ST18: variants seen among roughly 807,000 people sequenced by gnomAD.
ST18 encodes the protein suppression of tumorigenicity 18 protein.
In ST18, 50 loss-of-function variants were observed where a neutral mutation model predicts 110.0. The ratio of observed to expected loss-of-function variants is 0.45; its 90% CI spans 0.36 to 0.58. The LOEUF (loss-of-function observed/expected upper bound fraction) is 0.58, where lower values mean the gene tolerates loss of function less well. ST18 is among the 20% of genes least tolerant of loss of function. The pLI, the probability that ST18 is intolerant of heterozygous loss-of-function variation, is 0.00. For synonymous variants in ST18, 461 were observed against 452.4 expected (o/e 1.02, Z -0.24); for missense variants, 1,306 against 1,280.1 (o/e 1.02, Z -0.31).
At chr8:52,132,919 T>C in intron 21 of ST18, 138 bp downstream of exon 21, 3 of 939,104 alleles carry the variant, frequency 3.2e-6, no homozygotes, top group Non-Finnish European at 4.8e-6. Context: ...AACCACCAAA[T>C]AGTTTGACTC....
intron 2 of ST18, among the ~76,000 whole-genome samples, chr8:52,290,898 G>A (rs1262945023): frequency 3.3e-5 from 5 of 152,068 alleles, no homozygotes; most frequent in Admixed American, 6.5e-5. Flanking sequence ...TTAGGGCTTC[G>A]TACCAATCGT....
chr8:52,172,031 T>A lies in ST18; in HGVS notation c.830A>T (p.Asp277Val). 1 of 1,614,222 alleles carries A rather than the reference T, an allele frequency of 6.2e-7. No homozygotes were observed. Among genetic ancestry groups the A allele is most frequent in the Non-Finnish European group, 8.5e-7 (1 of 1,180,034 alleles). ...LDGNAQPSFP[D>V]VEEEDSESLA... is the part of the protein sequence containing the mutation. ...GCTCTCGCTATCTTCCTCCTCAACG[T>A]CAGGGAATGAGGGCTGGGCATTGCC... The change falls in exon 10 of 26, where the codon GAC (aspartate) becomes GTC (valine). Residue 277 changes from aspartate (D) to valine (V), a missense_variant. By Grantham distance (152) the Asp-to-Val change is radical. Transcript: ENST00000689386.
intron 8 of ST18, among the ~76,000 whole-genome samples, chr8:52,191,275 G>A (rs2074374389): frequency 6.6e-6 from 1 of 152,238 alleles, no homozygotes; most frequent in African/African-American, 2.4e-5. Context: ...GCAAGGCCAT[G>A]TCATGTGCAG....
At chr8:52,335,632 T>G (rs1470448106) in intron 2 of ST18, among the ~76,000 whole-genome samples, 1 of 152,222 alleles carries the variant, frequency 6.6e-6, no homozygotes, top group African/African-American at 2.4e-5. Flanking sequence ...TAAGTACTTA[T>G]GTTTGAAGTT....
intron 8 of ST18, chr8:52,206,893 G>A (rs1312472121): frequency 1.3e-5 from 2 of 152,112 alleles, no homozygotes; most frequent in Non-Finnish European, 2.9e-5. Flanking sequence ...CTAACTTCAT[G>A]ATTAAAATGA....
chr8:52,398,352 G>A (rs1590706724), intron 2 of ST18, among the ~76,000 whole-genome samples: 1 of 152,180 alleles, frequency 6.6e-6, no homozygotes, highest in South Asian at 2.1e-4. Context: ...ATAAAATCAT[G>A]TCATCTGCAA....
chr8:52,404,136 A>G (rs1161802679), intron 2 of ST18: 1 of 152,246 alleles, frequency 6.6e-6, no homozygotes, highest in Admixed American at 6.5e-5. Flanking sequence ...ACAATCTCAT[A>G]AAGGATAGTA....
chr8:52,116,524 G>A (rs2130450493), intron 24 of ST18, 106 bp from the exon 25 acceptor site: 1 of 1,130,584 alleles, frequency 8.8e-7, no homozygotes, highest in Non-Finnish European at 1.3e-6. Flanking sequence ...ACTAAGAGAT[G>A]CAGAGATGCA....
intron 2 of ST18, among the ~76,000 whole-genome samples, chr8:52,269,746 ATTATTTTACAGATGCCC>A (rs2095007568): frequency 6.6e-6 from 1 of 152,178 alleles, no homozygotes; most frequent in South Asian, 2.1e-4. Flanking sequence ...ATCACTGGGA[ATTATTTTACAGATGCCC>A]TTATTTTACA....
intron 2 of ST18, among the ~76,000 whole-genome samples, chr8:52,232,286 T>C (rs928223022): frequency 6.6e-6 from 1 of 152,170 alleles, no homozygotes; most frequent in African/African-American, 2.4e-5. Flanking sequence ...GCCATTCGTG[T>C]CAAGAAAGAA....
intron 2 of ST18, among the ~76,000 whole-genome samples, chr8:52,319,343 T>A (rs970000927): frequency 2.0e-5 from 3 of 152,164 alleles, no homozygotes; most frequent in Non-Finnish European, 4.4e-5. Flanking sequence ...CATTATAGGT[T>A]TTTGTCTACT....
intron 24 of ST18, among the ~76,000 whole-genome samples, chr8:52,117,904 C>A (rs76273592): frequency 1.1e-4 from 16 of 152,070 alleles, no homozygotes; most frequent in African/African-American, 3.9e-4. Context: ...AGAATTTGCT[C>A]AAGAAAATAT....
chr8:52,236,179 C>T (rs1329605892), intron 2 of ST18, among the ~76,000 whole-genome samples: 1 of 152,154 alleles, frequency 6.6e-6, no homozygotes, highest in Non-Finnish European at 1.5e-5. Context: ...TGTACATTGA[C>T]ACTGATGAAG....
At chr8:52,220,122 T>C (rs1254333639) in intron 5 of ST18, among the ~76,000 whole-genome samples, 1 of 152,204 alleles carries the variant, frequency 6.6e-6, no homozygotes, top group Non-Finnish European at 1.5e-5. Flanking sequence ...TGTATATTTT[T>C]AATATCCCCA....
intron 15 of ST18, among the ~76,000 whole-genome samples, chr8:52,152,820 G>A (rs927128120): frequency 2.6e-5 from 4 of 152,026 alleles, no homozygotes; most frequent in Admixed American, 6.6e-5. Flanking sequence ...CTAGATGGCC[G>A]CCAACAGAGA....
At position 52,142,838 on chromosome 8, in the gene ST18, C is replaced by G. The variant is rs77711914; in HGVS notation, c.2168+92G>C. 45 of 940,050 alleles carry G rather than the reference C, an allele frequency of 4.8e-5. No homozygotes were observed. In the East Asian group the frequency reaches 1.1e-3, roughly 22 times the overall value. The allele number at this position is 940,050 out of a possible 1,614,324, so 58.2% of individuals were successfully genotyped here. ...TGACTGGTAGAAATCACCCTAACAT[C>G]AACTGTATAAGCCAGGATATTGTAA... is the stretch of plus-strand genomic sequence containing the variant. On this transcript the variant is annotated intron_variant, in intron 17 of 25. Transcript: ENST00000689386.
At chr8:52,355,416 A>G (rs1822258367) in intron 2 of ST18, among the ~76,000 whole-genome samples, 1 of 152,204 alleles carries the variant, frequency 6.6e-6, no homozygotes, top group Non-Finnish European at 1.5e-5. Context: ...GTTGTTTGCA[A>G]GAATGTAGAC....
rs570967811 is a variant in ST18 at position 52,114,612 on chromosome 8, C to T, written c.3004-1274G>A. Among the ~76,000 whole-genome samples the T allele has an allele frequency of 8.5e-5, 13 of 152,318 alleles. No individual in the cohort carries two copies. The South Asian group carries it at 2.5e-3, about 29-fold the overall frequency. On this transcript the variant is annotated intron_variant, in intron 25 of 25. Coordinates refer to ENST00000689386, the MANE Select transcript of ST18 (RefSeq NM_001352837.2). ...TTATTAGTATTGTCCAATCATGATT[C>T]TCTGTCCCCTTCTCTTTCCTGCCTT...
intron 11 of ST18, 135 bp downstream of exon 11, chr8:52,166,717 G>T (rs2063122245): frequency 8.3e-7 from 1 of 1,208,250 alleles, no homozygotes; most frequent in Non-Finnish European, 1.1e-6. Flanking sequence ...AAAACCCACA[G>T]CTAGATGGAA....
Sources: gnomAD v4.1 joint callset for allele counts (sites outside exome capture counted in the v4.1 genomes callset) on GRCh38, gnomAD v4.1.1 for gene constraint, MANE v1.5 for transcripts, NCBI Gene and HGNC (gene_info 2026-07-23, HGNC 2026-07-21) for gene names.